The following GFRA3 variants were observed in gnomAD, a reference collection of about 807,000 sequenced individuals.
GFRA3 encodes GDNF family receptor alpha 3.
In GFRA3, 24 loss-of-function variants were observed where a neutral mutation model predicts 40.0. The observed-to-expected ratio is 0.60, with a 90% CI of 0.43 to 0.84. GFRA3 has a LOEUF of 0.84. GFRA3 is among the 40% of genes least tolerant of loss of function. The pLI is 0.00. For missense variants in GFRA3, 405 were observed against 530.6 expected (o/e 0.76, Z 2.33); for synonymous variants, 203 against 213.5 (o/e 0.95, Z 0.43).
At chr5:138,258,912 T>C (rs1755673626) in intron 3 of GFRA3, among the ~76,000 whole-genome samples, 1 of 152,214 alleles carries the variant, frequency 6.6e-6, no homozygotes, top group Non-Finnish European at 1.5e-5. Flanking sequence ...TTGCTGATCT[T>C]GTCACTTAGA....
intron 1 of GFRA3, among the ~76,000 whole-genome samples, chr5:138,268,748 G>T (rs1260876875): frequency 6.6e-6 from 1 of 151,926 alleles, no homozygotes; most frequent in South Asian, 2.1e-4. Flanking sequence ...AAATTAGCCA[G>T]GTGTGGAGGC....
At position 138,258,166 on chromosome 5, in the gene GFRA3, C is replaced by CTTTTTTTTTTTTTT. The variant is rs66792829; in HGVS notation, c.473-229_473-216dup. ...TTGAAGCCTTCCCCACCCTACTCCT[C>CTTTTTTTTTTTTTT]TTTTTTTTTTTTTTTTTTTTTTTTT... is the stretch of plus-strand genomic sequence containing the variant. On this transcript the variant is annotated intron_variant, in intron 3 of 7. Coordinates refer to ENST00000274721, the MANE Select transcript of GFRA3 (RefSeq NM_001496.4). 9.7e-5 allele frequency among the ~76,000 whole-genome samples: 5 copies of CTTTTTTTTTTTTTT among 51,650 alleles called. 1 individual carries two copies. The highest frequency in any genetic ancestry group is 3.7e-4 in the African/African-American group (4 of 10,958). The allele number at this position is 51,650 out of a possible 152,430, so 33.9% of individuals were successfully genotyped here.
chr5:138,252,686 C>A lies in GFRA3; in HGVS notation c.*282G>T. On this transcript the variant is annotated 3_prime_UTR_variant, in exon 8 of 8. Coordinates refer to ENST00000274721, the MANE Select transcript of GFRA3 (RefSeq NM_001496.4). ...ATTAGATTCTGGTGATCCTGGTAGTCAAGAGGAAGGGCTCAGAAAGGGGCT... is the reference window on the plus strand; with the variant it reads ...ATTAGATTCTGGTGATCCTGGTAGTAAAGAGGAAGGGCTCAGAAAGGGGCT... 3.2e-6 allele frequency: 1 copy of A among 314,046 alleles called. No homozygotes were observed. The highest frequency in any genetic ancestry group is 5.9e-6 in the Non-Finnish European group (1 of 168,190). The allele number at this position is 314,046 out of a possible 1,614,324, so 19.5% of individuals were successfully genotyped here.
At chr5:138,260,483 G>A (rs2126614658) in intron 2 of GFRA3, among the ~76,000 whole-genome samples, 1 of 152,246 alleles carries the variant, frequency 6.6e-6, no homozygotes, top group South Asian at 2.1e-4. Context: ...AAAATGCAAT[G>A]GGGTGCCGGG....
At position 138,273,970 on chromosome 5, in the gene GFRA3, C is replaced by CT. The variant is rs544452151; in HGVS notation, c.91+363dup. On this transcript the variant is annotated intron_variant, in intron 1 of 7. Coordinates refer to ENST00000274721, the MANE Select transcript of GFRA3 (RefSeq NM_001496.4). Reference sequence around the variant, plus strand: ...AAGCCCACGTGGAGCAAATGACACTCTGTTTCTGATCTGATTCTCCCCGCC... The same window carrying CT: ...AAGCCCACGTGGAGCAAATGACACTCTTGTTTCTGATCTGATTCTCCCCGCC... 1.6e-4 allele frequency among the ~76,000 whole-genome samples: 25 copies of CT among 152,314 alleles called. No individual in the cohort carries two copies. In the South Asian group the frequency reaches 3.1e-3, roughly 19 times the overall value.
intron 4 of GFRA3, among the ~76,000 whole-genome samples, chr5:138,255,366 C>T (rs936960502): frequency 9.9e-5 from 15 of 152,194 alleles, no homozygotes; most frequent in Admixed American, 3.3e-4. Flanking sequence ...AGTAGGAGAA[C>T]CAAGTTGCAA....
chr5:138,263,116 C>A (rs1295450992), intron 2 of GFRA3, among the ~76,000 whole-genome samples: 2 of 152,120 alleles, frequency 1.3e-5, no homozygotes, highest in African/African-American at 4.8e-5. Context: ...CAGGTGCCCA[C>A]CACCATGCCC....
chr5:138,265,295 C>T (rs1755767967), intron 1 of GFRA3, among the ~76,000 whole-genome samples: 1 of 141,254 alleles, frequency 7.1e-6, no homozygotes, highest in East Asian at 2.2e-4. Context: ...TGGCTCAACG[C>T]AACCTCCGCC....
intron 1 of GFRA3, among the ~76,000 whole-genome samples, chr5:138,269,535 TG>T (rs1755836178): frequency 7.6e-6 from 1 of 132,152 alleles, no homozygotes; most frequent in Admixed American, 7.9e-5. Flanking sequence ...AAACTCTGTC[TG>T]AAAAAAAAAA....
intron 4 of GFRA3, among the ~76,000 whole-genome samples, 170 bp downstream of exon 4, chr5:138,257,469 T>A (rs1040648085): frequency 6.6e-6 from 1 of 152,234 alleles, no homozygotes; most frequent in Admixed American, 6.5e-5. Context: ...AAGACATATA[T>A]TCTTTTTGAG....
In GFRA3 at chr5:138,264,360, T is replaced by A. The variant is rs1455061026; in HGVS notation, c.280A>T (p.Arg94Trp). Residue 94 changes from arginine (R) to tryptophan (W), a missense_variant, in exon 2 of 8, where the codon AGG becomes TGG. Transcript: ENST00000274721. ...ATGCAGCCTATCAGAGAGCTGTTCC[T>A]GAGTTGCTGTGCTGCCTCCAGGCAG... is the stretch of plus-strand genomic sequence containing the variant. ...ADCLEAAQQL[R>W]NSSLIGCMCH... 2.5e-6 allele frequency: 4 copies of A among 1,613,976 alleles called. No individual in the cohort carries two copies. The Admixed American group carries it at 6.7e-5, about 27-fold the overall frequency.
At chr5:138,256,908 C>T (rs1016791747) in intron 4 of GFRA3, among the ~76,000 whole-genome samples, 2 of 147,590 alleles carry the variant, frequency 1.4e-5, no homozygotes, top group African/African-American at 5.0e-5. Flanking sequence ...GATCGTGTCA[C>T]TGCACTCCAG....
At chr5:138,264,709 C>T (rs1755757357) in intron 1 of GFRA3, among the ~76,000 whole-genome samples, 161 bp from the exon 2 acceptor site, 1 of 152,054 alleles carries the variant, frequency 6.6e-6, no homozygotes. Flanking sequence ...AGAGAGAAGC[C>T]CAGCAGGACT....
intron 4 of GFRA3, among the ~76,000 whole-genome samples, chr5:138,255,899 CAAAA>C (rs35650002): frequency 1.0e-3 from 111 of 107,730 alleles, no homozygotes; most frequent in East Asian, 2.0e-3. Context: ...GACTCTGTCT[CAAAA>C]AAAAAAAAAA....
chr5:138,258,646 A>G (rs560865518), intron 3 of GFRA3, among the ~76,000 whole-genome samples: 3 of 152,298 alleles, frequency 2.0e-5, no homozygotes, highest in East Asian at 1.9e-4. Context: ...ATGATAACCT[A>G]GAGTACCTGC....
chr5:138,269,947 G>A (rs565715398), intron 1 of GFRA3, among the ~76,000 whole-genome samples: 1 of 151,872 alleles, frequency 6.6e-6, no homozygotes, highest in South Asian at 2.1e-4. Flanking sequence ...AAAGATACTT[G>A]CACACTCATG....
chr5:138,261,411 C>G (rs912844976), intron 2 of GFRA3, among the ~76,000 whole-genome samples: 1 of 152,076 alleles, frequency 6.6e-6, no homozygotes, highest in African/African-American at 2.4e-5. Context: ...AGAAATGCAA[C>G]TGTGCTGGGC....
In GFRA3 at chr5:138,253,037, C is replaced by A. The variant is rs780525137; in HGVS notation, c.1134G>T (p.Arg378Ser). ...MAHQNENPAV[R>S]PQPWVPSLFS... is the part of the protein sequence containing the mutation. ...AAAGAGAGGGCACCCAGGGCTGTGG[C>A]CTCACAGCAGGGTTTTCATTCTGTG... Residue 378 changes from arginine (R) to serine (S), a missense_variant, in exon 8 of 8, where the codon AGG (arginine) becomes AGT (serine). By Grantham distance (110) the Arg-to-Ser change is moderately radical. Coordinates refer to ENST00000274721, the MANE Select transcript of GFRA3 (RefSeq NM_001496.4). 6.3e-7 allele frequency: 1 copy of A among 1,599,680 alleles called. No individual in the cohort carries two copies.
In GFRA3 at chr5:138,252,694, AG is replaced by A; in HGVS notation, c.*273del. On this transcript the variant is annotated 3_prime_UTR_variant, in exon 8 of 8. Transcript: ENST00000274721. ...CTGGTGATCCTGGTAGTCAAGAGGA[AG>A]GGCTCAGAAAGGGGCTTGGTGGAGC... The A allele has an allele frequency of 3.0e-6, 1 of 327,970 alleles. No homozygotes were observed. Among genetic ancestry groups the A allele is most frequent in the Non-Finnish European group, 5.7e-6 (1 of 176,792 alleles). The allele number at this position is 327,970 out of a possible 1,614,324, so 20.3% of individuals were successfully genotyped here. A position where few individuals can be genotyped will look rare whatever the true frequency, so the allele number is the denominator to read the frequency against.
Sources: allele counts gnomAD v4.1 joint callset (sites outside exome capture counted in the v4.1 genomes callset), GRCh38; gene constraint gnomAD v4.1.1; transcripts MANE v1.5; gene names NCBI Gene and HGNC (gene_info 2026-07-23, HGNC 2026-07-21).